PPCS: variants seen among roughly 807,000 people sequenced by gnomAD.
PPCS encodes the protein phosphopantothenate--cysteine ligase.
PPCS carries 17 observed loss-of-function variants against 24.6 expected under a neutral mutation model. That is an observed-to-expected ratio of 0.69 (90% CI 0.47 to 1.04). The LOEUF is 1.04. Ranked by LOEUF, PPCS falls within the 50% of genes least tolerant of loss-of-function variation. The pLI is 0.00. For synonymous variants in PPCS, 190 were observed against 168.3 expected (o/e 1.13, Z -1.00); for missense variants, 360 against 402.8 (o/e 0.89, Z 0.91).
Position 42,473,283 on chromosome 1 carries a change from C to A in PPCS, n.539C>A, listed in dbSNP as rs1398942198. ...AGATGTAGAAGAGCTTATAGTGAAG[C>A]ACATGGGTGAAACAAAAGAAGTGAG... is the stretch of plus-strand genomic sequence containing the variant. On this transcript the variant is annotated non_coding_transcript_exon_variant, in exon 3 of 3. Coordinates refer to the PPCS transcript ENST00000471420. The A allele has an allele frequency of 2.4e-6, 3 of 1,231,038 alleles. No homozygotes were observed. In the African/African-American group the frequency reaches 4.7e-5, roughly 19 times the overall value. 76.3% of individuals were successfully genotyped at this position (1,231,038 alleles called of 1,614,324 possible). A position where few individuals can be genotyped will look rare whatever the true frequency, so the allele number is the denominator to read the frequency against.
chr1:42,459,222 G>GCATGAACA (rs1643333254), intron 2 of PPCS: 1 of 166,980 alleles, frequency 6.0e-6, no homozygotes, highest in Non-Finnish European at 1.3e-5. Flanking sequence ...AAGTGCAGTG[G>GCATGAACA]CATGAACACA....
upstream of PPCS, chr1:42,456,520 C>A (rs1425822625): frequency 7.0e-6 from 10 of 1,434,954 alleles, no homozygotes; most frequent in South Asian, 8.9e-5. Flanking sequence ...AGGGGCGTGG[C>A]GCGGCGGCCG....
intron 2 of PPCS, among the ~76,000 whole-genome samples, chr1:42,470,886 G>T (rs1451106776): frequency 1.3e-5 from 2 of 152,072 alleles, no homozygotes; most frequent in Admixed American, 6.6e-5. Context: ...TTGTGGTGAT[G>T]GTTAGACAAC....
chr1:42,459,430 G>T, intron 2 of PPCS, 173 bp from the exon 3 acceptor site: 1 of 644,748 alleles, frequency 1.6e-6, no homozygotes, highest in South Asian at 2.1e-5. Context: ...CAAAGTGCTG[G>T]GATTACAGGC....
intron 2 of PPCS, among the ~76,000 whole-genome samples, chr1:42,471,768 C>T (rs1272487121): frequency 6.6e-6 from 1 of 152,052 alleles, no homozygotes; most frequent in Non-Finnish European, 1.5e-5. Flanking sequence ...TGTTTTTCAT[C>T]AGTATGAGTA....
chr1:42,469,480 C>T lies in PPCS; in HGVS notation n.378-3642C>T, dbSNP rs562423112. Among the ~76,000 whole-genome samples, 4 of 152,244 alleles carry T rather than the reference C, an allele frequency of 2.6e-5. No individual in the cohort carries two copies. The South Asian group carries it at 8.3e-4, about 32-fold the overall frequency. On this transcript the variant is annotated intron_variant and non_coding_transcript_variant, in intron 2 of 2. Coordinates refer to the PPCS transcript ENST00000471420. ...GGGAGACAAATTGTCCAAAACAGGA[C>T]AGTAGCTAGAGAGGTATATGGTGGG... is the stretch of plus-strand genomic sequence containing the variant.
intron 2 of PPCS, among the ~76,000 whole-genome samples, chr1:42,458,309 A>G (rs746944072): frequency 1.3e-5 from 2 of 152,214 alleles, no homozygotes; most frequent in Non-Finnish European, 2.9e-5. Flanking sequence ...TTGTAGGTTA[A>G]GGAAGAAATA....
At chr1:42,469,057 G>A (rs191099393) in intron 2 of PPCS, among the ~76,000 whole-genome samples, 1 of 151,718 alleles carries the variant, frequency 6.6e-6, no homozygotes, top group East Asian at 1.9e-4. Flanking sequence ...GAGTGAAGAC[G>A]TACAGCAAAG....
At chr1:42,456,489 G>A, upstream of PPCS, 3 of 1,389,530 alleles carry the variant, frequency 2.2e-6, no homozygotes, top group South Asian at 1.5e-5. Flanking sequence ...ACGGCGCGGC[G>A]CGTACACCAG....
chr1:42,461,333 T>C (rs1174234738), downstream of PPCS, among the ~76,000 whole-genome samples: 2 of 152,122 alleles, frequency 1.3e-5, no homozygotes, highest in Non-Finnish European at 2.9e-5. Flanking sequence ...AGCAGTCCCT[T>C]TGAACAAAAA....
downstream of PPCS, among the ~76,000 whole-genome samples, chr1:42,462,174 T>C (rs1460963941): frequency 1.3e-5 from 2 of 152,344 alleles, no homozygotes; most frequent in East Asian, 3.8e-4. Flanking sequence ...GTTTAATTTA[T>C]ATTCAGAGCA....
chr1:42,457,455 C>T, intron 2 of PPCS, 105 bp downstream of exon 2: 8 of 949,140 alleles, frequency 8.4e-6, no homozygotes, highest in Admixed American at 1.8e-5. Flanking sequence ...TCGCTAGGCA[C>T]AGGGGATACA....
At chr1:42,463,308 A>C (rs2275116), downstream of PPCS, 61,319 of 152,160 alleles carry the variant, frequency 0.4, 13,010 homozygotes, top group East Asian at 0.59. Context: ...AGGTCTCCGT[A>C]GGCACCTGCA....
Position 42,459,562 on chromosome 1 carries a change from G to C in PPCS, c.613-41G>C, listed in dbSNP as rs199797322. 1.2e-5 allele frequency: 19 copies of C among 1,530,398 alleles called. No individual in the cohort carries two copies. The African/African-American group carries it at 2.5e-4, about 20-fold the overall frequency. The allele number at this position is 1,530,398 out of a possible 1,614,324, so 94.8% of individuals were successfully genotyped here. A position where few individuals can be genotyped will look rare whatever the true frequency, so the allele number is the denominator to read the frequency against. On this transcript the variant is annotated intron_variant, in intron 2 of 2. Transcript: ENST00000372561. ...CCATGAGATTGACCTGGTAGGTAATGACCATTGTTTGCTTATTAAGCTTTT... is the reference window on the plus strand; with the variant it reads ...CCATGAGATTGACCTGGTAGGTAATCACCATTGTTTGCTTATTAAGCTTTT...
chr1:42,464,433 C>T (rs1476678219), downstream of PPCS, among the ~76,000 whole-genome samples: 1 of 152,190 alleles, frequency 6.6e-6, no homozygotes, highest in Non-Finnish European at 1.5e-5. Flanking sequence ...GAACCCAACA[C>T]TGGGGATATG....
At chr1:42,468,197 A>G (rs2148435679) in intron 2 of PPCS, among the ~76,000 whole-genome samples, 1 of 152,338 alleles carries the variant, frequency 6.6e-6, no homozygotes, top group South Asian at 2.1e-4. Flanking sequence ...AAAGAAAGAA[A>G]TGTATTCCTC....
In PPCS at chr1:42,456,658, C is replaced by A; in HGVS notation, c.93C>A (p.Gly31=). Residue 31 remains glycine (G), a synonymous_variant, in exon 1 of 3, where the codon GGC becomes GGA. Transcript: ENST00000372561. ...EVMARFAARL[G]AQGRRVVLVT... is the part of the protein sequence containing the mutation. ...TGGCTCGCTTCGCGGCCAGGCTGGG[C>A]GCGCAGGGCCGGCGGGTGGTGTTGG... 1 of 1,597,948 alleles carries A rather than the reference C, an allele frequency of 6.3e-7. No homozygotes were observed. Among genetic ancestry groups the A allele is most frequent in the Non-Finnish European group, 8.5e-7 (1 of 1,174,604 alleles).
chr1:42,464,713 C>G (rs1416181780), downstream of PPCS, among the ~76,000 whole-genome samples: 3 of 152,234 alleles, frequency 2.0e-5, no homozygotes, highest in East Asian at 5.8e-4. Context: ...TTACAATACG[C>G]ATTCCTTGTT....
At chr1:42,464,333 G>C (rs1263192430), downstream of PPCS, 4 of 152,170 alleles carry the variant, frequency 2.6e-5, no homozygotes, top group Non-Finnish European at 4.4e-5. Flanking sequence ...GTTGTTCCTT[G>C]TTTCATTAAA....
Sources: allele counts gnomAD v4.1 joint callset (sites outside exome capture counted in the v4.1 genomes callset), GRCh38; gene constraint gnomAD v4.1.1; transcripts MANE v1.5; gene names NCBI Gene and HGNC (gene_info 2026-07-23, HGNC 2026-07-21).